LINGO2: variants seen among roughly 807,000 people sequenced by gnomAD.
The protein encoded by LINGO2 is leucine-rich repeat and immunoglobulin-like domain-containing nogo receptor-interacting protein 2.
Under a neutral mutation model 30.6 loss-of-function variants are expected in LINGO2, and 14 were observed. The ratio of observed to expected loss-of-function variants is 0.46; its 90% CI spans 0.30 to 0.72. The LOEUF is 0.72. Ranked by LOEUF, LINGO2 falls within the 30% of genes least tolerant of loss-of-function variation. LINGO2 has a pLI of 0.07. For missense variants in LINGO2, 729 were observed against 751.7 expected, an observed-to-expected ratio of 0.97 and a Z score of 0.35; for synonymous variants, 317 against 288.5, an observed-to-expected ratio of 1.10 and a Z score of -1.00.
At chr9:28,790,674 T>C in the LINGO2 span, among the ~76,000 whole-genome samples, 1 of 152,076 alleles carries the variant, frequency 6.6e-6, no homozygotes, top group Non-Finnish European at 1.5e-5. Flanking sequence ...TCTCTCATCA[T>C]CACAAGAAGA....
chr9:28,275,928 C>G (rs184939106), intron 4 of LINGO2, among the ~76,000 whole-genome samples: 1 of 152,084 alleles, frequency 6.6e-6, no homozygotes, highest in African/African-American at 2.4e-5. Flanking sequence ...GTCTGTGAAA[C>G]CACAATCATT....
the LINGO2 span, among the ~76,000 whole-genome samples, chr9:28,848,395 GTGTATATATA>G: frequency 0.06 from 2,325 of 38,638 alleles, 40 homozygotes; most frequent in Middle Eastern, 0.15. Context: ...GTGTGTGTGT[GTGTATATATA>G]TATATATATA....
chr9:28,988,351 C>T, the LINGO2 span, among the ~76,000 whole-genome samples: 1 of 152,084 alleles, frequency 6.6e-6, no homozygotes, highest in Non-Finnish European at 1.5e-5. Flanking sequence ...ATAGCTACCC[C>T]TGCTTTCTTT....
intron 2 of LINGO2, among the ~76,000 whole-genome samples, chr9:28,427,658 C>T (rs1294433330): frequency 2.6e-5 from 4 of 152,088 alleles, no homozygotes; most frequent in African/African-American, 9.7e-5. Flanking sequence ...ATTTTATGCT[C>T]CTATTCCACA....
chr9:28,199,228 T>C (rs938190697), intron 4 of LINGO2, among the ~76,000 whole-genome samples: 1 of 152,178 alleles, frequency 6.6e-6, no homozygotes, highest in African/African-American at 2.4e-5. Flanking sequence ...TAGTAGGCAA[T>C]TAATAAATGC....
rs147573861 is a variant in LINGO2 at position 28,380,096 on chromosome 9, A to G, written c.-278-7228T>C. Among the ~76,000 whole-genome samples the G allele has an allele frequency of 9.8e-3, 1,492 of 152,192 alleles. 21 individuals carry two copies. Among genetic ancestry groups the G allele is most frequent in the African/African-American group, 0.034 (1,425 of 41,554 alleles). On this transcript the variant is annotated intron_variant, in intron 2 of 5. Coordinates refer to ENST00000379992, the Ensembl canonical transcript of LINGO2. The stretch of plus-strand genomic sequence containing the variant: ...GCAGAGTTAACTAGATGCCACACAG[A>G]TGCCACACATATTTACAGCTGAACA...
chr9:28,691,577 G>GA, the LINGO2 span, among the ~76,000 whole-genome samples: 9 of 150,148 alleles, frequency 6.0e-5, no homozygotes, highest in South Asian at 6.3e-4. Context: ...AAGAAACTGA[G>GA]AAAAAAAAAT....
chr9:28,311,664 C>G (rs577372787), intron 3 of LINGO2, among the ~76,000 whole-genome samples: 1 of 152,286 alleles, frequency 6.6e-6, no homozygotes, highest in East Asian at 1.9e-4. Flanking sequence ...AAGGTTATCT[C>G]TCTTGTTCCC....
the LINGO2 span, among the ~76,000 whole-genome samples, chr9:28,766,517 A>C: frequency 6.6e-6 from 1 of 151,954 alleles, no homozygotes; most frequent in South Asian, 2.1e-4. Flanking sequence ...AAATAATATA[A>C]AGATTCCTCA....
chr9:28,534,890 G>A (rs1392985267), intron 1 of LINGO2, among the ~76,000 whole-genome samples: 1 of 151,956 alleles, frequency 6.6e-6, no homozygotes, highest in African/African-American at 2.4e-5. Flanking sequence ...AAACAGAGCT[G>A]CTCTATTATT....
chr9:28,618,677 C>A (rs916767275), intron 1 of LINGO2, among the ~76,000 whole-genome samples: 2 of 152,098 alleles, frequency 1.3e-5, no homozygotes, highest in Non-Finnish European at 2.9e-5. Flanking sequence ...TCCTTTAGTT[C>A]TATCTGTAAT....
chr9:28,041,132 T>A (rs1824178521), intron 4 of LINGO2, among the ~76,000 whole-genome samples: 1 of 152,198 alleles, frequency 6.6e-6, no homozygotes, highest in Non-Finnish European at 1.5e-5. Flanking sequence ...TGAAAAATGT[T>A]CCCTCAAAAG....
rs184644502 is a variant in LINGO2, at chr9:28,594,293, G to A, written c.-365+75907C>T. On this transcript the variant is annotated intron_variant, in intron 1 of 5. Coordinates refer to ENST00000379992, the Ensembl canonical transcript of LINGO2. ...TATAATTAGCCAACTCATATTTAAC[G>A]TAATTTTCTAAAGTATACAGCTTAG... 1.1e-4 allele frequency among the ~76,000 whole-genome samples: 16 copies of A among 152,104 alleles called. 1 individual carries two copies. The East Asian group carries it at 1.9e-3, about 18-fold the overall frequency.
the LINGO2 span, among the ~76,000 whole-genome samples, chr9:28,688,265 C>A: frequency 6.6e-6 from 1 of 152,146 alleles, no homozygotes; most frequent in Non-Finnish European, 1.5e-5. Flanking sequence ...CCTTAAATAG[C>A]ATTTGTCATG....
the LINGO2 span, among the ~76,000 whole-genome samples, chr9:28,966,956 T>C: frequency 3.3e-5 from 5 of 152,040 alleles, no homozygotes; most frequent in Admixed American, 2.0e-4. Flanking sequence ...GAGAAACATA[T>C]ATTGAGAGCT....
the LINGO2 span, among the ~76,000 whole-genome samples, chr9:28,965,662 C>T: frequency 6.6e-6 from 1 of 152,064 alleles, no homozygotes; most frequent in African/African-American, 2.4e-5. Flanking sequence ...TTAGTGGGAA[C>T]AACTCAAATA....
At chr9:28,294,465 A>G (rs1823852854) in intron 4 of LINGO2, among the ~76,000 whole-genome samples, 1 of 152,218 alleles carries the variant, frequency 6.6e-6, no homozygotes, top group Admixed American at 6.5e-5. Context: ...TAGAGTCAGA[A>G]GACAATAATA....
At chr9:28,222,447 C>T (rs1820998860) in intron 4 of LINGO2, among the ~76,000 whole-genome samples, 2 of 151,952 alleles carry the variant, frequency 1.3e-5, no homozygotes, top group South Asian at 4.1e-4. Context: ...TACAAAAAAC[C>T]CATTGGCATA....
chr9:28,674,175 A>C (rs1179681546), upstream of LINGO2, among the ~76,000 whole-genome samples: 2 of 152,140 alleles, frequency 1.3e-5, no homozygotes, highest in African/African-American at 2.4e-5. Flanking sequence ...CTCCTCATTC[A>C]AACAAACGTG....
Sources: gnomAD v4.1 joint callset for allele counts (sites outside exome capture counted in the v4.1 genomes callset) on GRCh38, gnomAD v4.1.1 for gene constraint, MANE v1.5 for transcripts, NCBI Gene and HGNC (gene_info 2026-07-23, HGNC 2026-07-21) for gene names.